CHRM3: variants seen among roughly 807,000 people sequenced by gnomAD.
CHRM3 encodes the protein cholinergic receptor muscarinic 3, also known as muscarinic acetylcholine receptor M3.
In CHRM3, 11 loss-of-function variants were observed where a neutral mutation model predicts 41.8. That is an observed-to-expected ratio of 0.26 (90% CI 0.17 to 0.44). The LOEUF is 0.44. CHRM3 is among the 20% of genes least tolerant of loss of function. The pLI, the probability that CHRM3 is intolerant of heterozygous loss-of-function variation, is 1.00. For missense variants in CHRM3, 571 were observed against 745.4 expected (o/e 0.77, Z 2.72); for synonymous variants, 297 against 301.4 (o/e 0.99, Z 0.15).
At position 239,907,139 on chromosome 1, in the gene CHRM3, G is replaced by A. The variant is rs1172063947; in HGVS notation, c.-19-294G>A. ...TTTACAAAATAAGAGAAGTAAGGGC[G>A]ATTTTGTCTAGTAACAGAATTACAT... On this transcript the variant is annotated intron_variant, in intron 6 of 6. Coordinates refer to ENST00000676153, the MANE Select transcript of CHRM3 (RefSeq NM_001375978.1). This position sits in a 1 kb window ranked among gnomAD's most constrained non-coding sequence, Gnocchi z 5.4. 2.6e-5 allele frequency among the ~76,000 whole-genome samples: 4 copies of A among 152,136 alleles called. No homozygotes were observed. Among genetic ancestry groups the A allele is most frequent in the Non-Finnish European group, 4.4e-5 (3 of 68,028 alleles).
intron 5 of CHRM3, among the ~76,000 whole-genome samples, chr1:239,770,650 A>T (rs1418938437): frequency 1.3e-5 from 2 of 152,182 alleles, no homozygotes; most frequent in African/African-American, 4.8e-5. Flanking sequence ...TTCCATGCCC[A>T]AGAAAGTAGA....
intron 2 of CHRM3, among the ~76,000 whole-genome samples, chr1:239,516,544 G>T (rs1472558149): frequency 6.6e-6 from 1 of 152,172 alleles, no homozygotes. Context: ...AACCCAGATT[G>T]TTTTCTACTA....
At chr1:239,532,983 C>A (rs1657806294) in intron 2 of CHRM3, among the ~76,000 whole-genome samples, 1 of 152,104 alleles carries the variant, frequency 6.6e-6, no homozygotes, top group Admixed American at 6.5e-5. Context: ...AATTTTAAAG[C>A]ATCCTTTAAT....
intron 6 of CHRM3, among the ~76,000 whole-genome samples, chr1:239,895,692 T>C (rs1412249986): frequency 6.6e-6 from 1 of 152,198 alleles, no homozygotes; most frequent in Non-Finnish European, 1.5e-5. Context: ...CTGAAAGCCA[T>C]TATCCTAAGC....
intron 3 of CHRM3, among the ~76,000 whole-genome samples, chr1:239,579,330 C>A (rs1662656510): frequency 6.6e-6 from 1 of 152,138 alleles, no homozygotes; most frequent in Non-Finnish European, 1.5e-5. Flanking sequence ...CATCACTGTG[C>A]TAATCTATTA....
At chr1:239,459,491 CCTTAA>C (rs1420578362) in intron 1 of CHRM3, among the ~76,000 whole-genome samples, 2 of 151,980 alleles carry the variant, frequency 1.3e-5, no homozygotes, top group African/African-American at 4.8e-5. Context: ...TCCTTAGAAT[CCTTAA>C]CTTGCTTTAA....
chr1:239,504,288 T>C (rs1041117776), intron 2 of CHRM3, among the ~76,000 whole-genome samples: 2 of 152,020 alleles, frequency 1.3e-5, no homozygotes, highest in South Asian at 2.1e-4. Context: ...AAACAAGATA[T>C]ACAGATGACC....
At chr1:239,853,456 G>A (rs1217036129) in intron 6 of CHRM3, among the ~76,000 whole-genome samples, 1 of 151,618 alleles carries the variant, frequency 6.6e-6, no homozygotes, top group Non-Finnish European at 1.5e-5. Context: ...TTCTAGCCAA[G>A]CATAGTACCA....
intron 3 of CHRM3, among the ~76,000 whole-genome samples, chr1:239,602,796 AAC>A (rs1408865796): frequency 1.3e-5 from 2 of 152,196 alleles, no homozygotes; most frequent in Admixed American, 1.3e-4. Flanking sequence ...TTATGGTAAA[AAC>A]AGATAACATA....
chr1:239,872,023 C>T (rs906356607), intron 6 of CHRM3, among the ~76,000 whole-genome samples: 3 of 152,118 alleles, frequency 2.0e-5, no homozygotes, highest in Non-Finnish European at 4.4e-5. Flanking sequence ...CGTCATTGTT[C>T]GAATAAACTT....
chr1:239,514,088 C>G (rs1669100561), intron 2 of CHRM3, among the ~76,000 whole-genome samples: 1 of 152,058 alleles, frequency 6.6e-6, no homozygotes, highest in Admixed American at 6.6e-5. Context: ...CAGGTTTGTT[C>G]TTCTTCAACA....
chr1:239,468,190 G>C (rs896549081), intron 1 of CHRM3, among the ~76,000 whole-genome samples: 3 of 152,142 alleles, frequency 2.0e-5, no homozygotes, highest in Admixed American at 2.0e-4. Context: ...ATTGAGAAAT[G>C]CTCAATAGAC....
intron 1 of CHRM3, among the ~76,000 whole-genome samples, chr1:239,459,324 A>G (rs2147868958): frequency 6.6e-6 from 1 of 152,268 alleles, no homozygotes; most frequent in South Asian, 2.1e-4. Context: ...TTCTACTTAT[A>G]TTTTAACAAA....
intron 3 of CHRM3, among the ~76,000 whole-genome samples, chr1:239,580,168 G>A (rs1250591709): frequency 6.6e-6 from 1 of 151,662 alleles, no homozygotes; most frequent in African/African-American, 2.4e-5. Context: ...GAGAATTTGT[G>A]AATACAAAGA....
chr1:239,725,986 GA>G (rs1324135666), intron 5 of CHRM3, among the ~76,000 whole-genome samples: 1 of 151,874 alleles, frequency 6.6e-6, no homozygotes. Flanking sequence ...ACAGAGATCA[GA>G]AAAATCACAA....
At chr1:239,835,112 A>T (rs1487264651) in intron 6 of CHRM3, among the ~76,000 whole-genome samples, 1 of 152,214 alleles carries the variant, frequency 6.6e-6, no homozygotes, top group African/African-American at 2.4e-5. Context: ...TTAAATTGCC[A>T]TTGTGATTTA....
intron 6 of CHRM3, among the ~76,000 whole-genome samples, chr1:239,854,397 C>CA: frequency 6.6e-6 from 1 of 152,118 alleles, no homozygotes; most frequent in Non-Finnish European, 1.5e-5. Flanking sequence ...ACAACAACAA[C>CA]AAAAAACAAT....
At chr1:239,859,819 T>TATATA (rs1675465542) in intron 6 of CHRM3, among the ~76,000 whole-genome samples, 3 of 131,422 alleles carry the variant, frequency 2.3e-5, no homozygotes, top group African/African-American at 9.1e-5. Flanking sequence ...TCTAAGTGTT[T>TATATA]TATATATATA....
At chr1:239,547,091 T>C (rs1395932619) in intron 3 of CHRM3, among the ~76,000 whole-genome samples, 2 of 152,154 alleles carry the variant, frequency 1.3e-5, no homozygotes, top group Non-Finnish European at 2.9e-5. Context: ...GGAAATTAGA[T>C]ATGATTTTCA....
Sources: allele counts gnomAD v4.1 joint callset (sites outside exome capture counted in the v4.1 genomes callset), GRCh38; gene constraint gnomAD v4.1.1; non-coding constraint Gnocchi (gnomAD v3.1); transcripts MANE v1.5; gene names NCBI Gene and HGNC (gene_info 2026-07-23, HGNC 2026-07-21).